CATSPERT: variants seen among roughly 807,000 people sequenced by gnomAD.
CATSPERT encodes the protein catsper channel auxiliary subunit tau.
At chr2:201,494,375 G>A in the CATSPERT span, 2 of 1,537,122 alleles carry the variant, frequency 1.3e-6, no homozygotes, top group Non-Finnish European at 1.7e-6. Flanking sequence ...GACTTCGAGA[G>A]GTGACATGTG....
chr2:201,522,201 G>A, the CATSPERT span, among the ~76,000 whole-genome samples: 1 of 152,158 alleles, frequency 6.6e-6, no homozygotes, highest in African/African-American at 2.4e-5. Context: ...ATCCAAATTG[G>A]AAAGGAGGAC....
the CATSPERT span, among the ~76,000 whole-genome samples, chr2:201,590,627 C>T: frequency 6.6e-6 from 1 of 152,118 alleles, no homozygotes; most frequent in African/African-American, 2.4e-5. Flanking sequence ...TCCTATTTCT[C>T]CACATCCTCT....
the CATSPERT span, among the ~76,000 whole-genome samples, chr2:201,616,917 GACAA>G: frequency 5.7e-4 from 87 of 152,224 alleles, 1 homozygote; most frequent in Non-Finnish European, 9.6e-4. Context: ...ACCAATAACA[GACAA>G]ACAGAGAGCC....
At chr2:201,499,458 A>G in the CATSPERT span, among the ~76,000 whole-genome samples, 22 of 152,326 alleles carry the variant, frequency 1.4e-4, no homozygotes, top group Admixed American at 1.3e-4. Flanking sequence ...TTGTTAGGCC[A>G]GAAACCTAAG....
At chr2:201,587,802 G>A in the CATSPERT span, among the ~76,000 whole-genome samples, 1 of 151,982 alleles carries the variant, frequency 6.6e-6, no homozygotes, top group Non-Finnish European at 1.5e-5. Context: ...AACCAGAAAC[G>A]ACAAGGGGGA....
chr2:201,527,788 C>G, the CATSPERT span, among the ~76,000 whole-genome samples: 29 of 152,084 alleles, frequency 1.9e-4, no homozygotes, highest in East Asian at 5.0e-3. Flanking sequence ...AATGGAAAAC[C>G]TAAAACTATA....
the CATSPERT span, among the ~76,000 whole-genome samples, chr2:201,528,418 C>T: frequency 6.6e-6 from 1 of 152,060 alleles, no homozygotes; most frequent in African/African-American, 2.4e-5. Flanking sequence ...TGGGTATATA[C>T]CCAAGGAATA....
chr2:201,575,024 C>T, the CATSPERT span, among the ~76,000 whole-genome samples: 1 of 129,250 alleles, frequency 7.7e-6, no homozygotes, highest in Non-Finnish European at 1.6e-5. Context: ...TTTTCTTTAT[C>T]ACCATTTAGC....
At chr2:201,563,778 C>T in the CATSPERT span, among the ~76,000 whole-genome samples, 1 of 152,218 alleles carries the variant, frequency 6.6e-6, no homozygotes, top group Non-Finnish European at 1.5e-5. Flanking sequence ...AATCATCTCA[C>T]TGCACAACTG....
chr2:201,581,589 T>TATAC, the CATSPERT span, among the ~76,000 whole-genome samples: 1 of 59,302 alleles, frequency 1.7e-5, no homozygotes, highest in Non-Finnish European at 3.1e-5. Context: ...TATATATATA[T>TATAC]ATATACACAT....
the CATSPERT span, among the ~76,000 whole-genome samples, chr2:201,562,674 G>A: frequency 6.9e-6 from 1 of 145,376 alleles, no homozygotes; most frequent in East Asian, 2.1e-4. Flanking sequence ...CTTCCGCAGC[G>A]TTTGTGTCCC....
chr2:201,532,260 C>G, the CATSPERT span, among the ~76,000 whole-genome samples: 5 of 152,274 alleles, frequency 3.3e-5, no homozygotes, highest in African/African-American at 1.2e-4. Context: ...ATAAGCTCCA[C>G]AAGAACATTT....
the CATSPERT span, chr2:201,575,399 TC>T: frequency 8.1e-7 from 1 of 1,240,616 alleles, no homozygotes; most frequent in East Asian, 2.7e-5. Context: ...AAACCAAGGG[TC>T]CCCAACCCCT....
At chr2:201,516,033 A>G in the CATSPERT span, among the ~76,000 whole-genome samples, 3 of 152,340 alleles carry the variant, frequency 2.0e-5, no homozygotes, top group East Asian at 5.8e-4. Flanking sequence ...GCATCATAGT[A>G]TGTACTTATA....
chr2:201,492,664 A>G, the CATSPERT span: 1 of 1,532,352 alleles, frequency 6.5e-7, no homozygotes, highest in Non-Finnish European at 8.7e-7. Context: ...TCTCAGCTTT[A>G]TTTCCAAATG....
the CATSPERT span, chr2:201,494,281 G>A: frequency 3.9e-6 from 6 of 1,536,834 alleles, no homozygotes; most frequent in Non-Finnish European, 5.2e-6. Context: ...TAATTTGTCT[G>A]AAAGGTCTTG....
the CATSPERT span, among the ~76,000 whole-genome samples, chr2:201,488,192 G>A: frequency 7.2e-5 from 11 of 152,292 alleles, no homozygotes; most frequent in African/African-American, 2.4e-4. Context: ...TATTTCAAAA[G>A]ATATTGAAGA....
chr2:201,604,431 T>C, the CATSPERT span, among the ~76,000 whole-genome samples: 1 of 152,310 alleles, frequency 6.6e-6, no homozygotes, highest in South Asian at 2.1e-4. Flanking sequence ...ATATAGAAGA[T>C]ATTATTTCTG....
the CATSPERT span, chr2:201,601,875 T>G: frequency 6.3e-7 from 1 of 1,589,318 alleles, no homozygotes. Context: ...AGCATAATGT[T>G]GTAAACTGAC....
Sources: allele counts gnomAD v4.1 joint callset (sites outside exome capture counted in the v4.1 genomes callset), GRCh38; gene constraint gnomAD v4.1.1; transcripts MANE v1.5; gene names NCBI Gene and HGNC (gene_info 2026-07-23, HGNC 2026-07-21).